Variants in PREX1 observed in about 807,000 individuals in gnomAD.
PREX1 encodes phosphatidylinositol-3,4,5-trisphosphate dependent Rac exchange factor 1.
In PREX1, 41 loss-of-function variants were observed where a neutral mutation model predicts 198.3. That is an observed-to-expected ratio of 0.21 (90% CI 0.16 to 0.27). The LOEUF (loss-of-function observed/expected upper bound fraction) is 0.27, where lower values mean the gene tolerates loss of function less well. Among genes scored for constraint, PREX1 ranks in the 10% least tolerant of loss-of-function variants. The pLI is 1.00. For missense variants in PREX1, 1,620 were observed against 2,200.7 expected, an observed-to-expected ratio of 0.74 and a Z score of 5.28; for synonymous variants, 843 against 887.2, an observed-to-expected ratio of 0.95 and a Z score of 0.89.
In PREX1 at chr20:48,666,256, G is replaced by A. The variant is rs1477207610; in HGVS notation, c.1738+27C>T. On this transcript the variant is annotated intron_variant, in intron 15 of 39. Coordinates refer to ENST00000371941, the MANE Select transcript of PREX1 (RefSeq NM_020820.4). This position sits in a 1 kb window ranked among gnomAD's most constrained non-coding sequence, Gnocchi z 4.3. ...CAGCTCCAGGGAGCAAGGTCCCGGG[G>A]GCTGGGCTGCAGGTGGGGGTGGTTA... The A allele has an allele frequency of 6.5e-7, 1 of 1,543,704 alleles. No individual in the cohort carries two copies. The highest frequency in any genetic ancestry group is 8.8e-7 in the Non-Finnish European group (1 of 1,141,738).
chr20:48,753,921 T>G (rs1264039991), intron 1 of PREX1, among the ~76,000 whole-genome samples: 2 of 152,194 alleles, frequency 1.3e-5, no homozygotes, highest in African/African-American at 4.8e-5. Flanking sequence ...CTCTTATCAA[T>G]TAAGTATGGA....
chr20:48,809,314 C>T (rs1038642191), intron 1 of PREX1, among the ~76,000 whole-genome samples: 1 of 152,216 alleles, frequency 6.6e-6, no homozygotes, highest in Non-Finnish European at 1.5e-5. Context: ...GCAAAGCCTT[C>T]CAATCTGGGA....
chr20:48,734,740 G>T, intron 3 of PREX1, 90 bp from the exon 4 acceptor site: 8 of 1,108,890 alleles, frequency 7.2e-6, no homozygotes, highest in Non-Finnish European at 1.1e-5. Flanking sequence ...GGTAGGGTAG[G>T]GGTAAGGACT....
rs1178334018 is a variant in PREX1 at position 48,651,011 on chromosome 20, G to A, written c.2700C>T (p.Asn900=). The change falls in exon 23 of 40, where the codon AAC becomes AAT. Residue 900 remains asparagine (N), a synonymous_variant. Transcript: ENST00000371941. The stretch of plus-strand genomic sequence containing the variant: ...TGCTCAGGGCCATGAGCCGCCTGCA[G>A]TTCTCCACGAAGACGCTGTCATTGG... ...FAANDSVFVE[N]CRRLMALSSA... is the part of the protein sequence containing the mutation. The A allele has an allele frequency of 1.2e-6, 2 of 1,614,208 alleles. No homozygotes were observed. Among genetic ancestry groups the A allele is most frequent in the South Asian group, 1.1e-5 (1 of 91,086 alleles).
chr20:48,689,891 G>T (rs1406546132), intron 9 of PREX1, among the ~76,000 whole-genome samples: 5 of 152,220 alleles, frequency 3.3e-5, no homozygotes, highest in Non-Finnish European at 7.3e-5. Flanking sequence ...GGCTTGTCTT[G>T]GGTGGAAGTA....
At chr20:48,674,713 G>A (rs2089697022) in intron 14 of PREX1, among the ~76,000 whole-genome samples, 1 of 152,160 alleles carries the variant, frequency 6.6e-6, no homozygotes, top group African/African-American at 2.4e-5. Context: ...ATGCCTGCTG[G>A]GGCCTTATCC....
chr20:48,837,243 C>A, the PREX1 span, among the ~76,000 whole-genome samples: 1 of 152,164 alleles, frequency 6.6e-6, no homozygotes, highest in Non-Finnish European at 1.5e-5. Context: ...TTAGTTTAAC[C>A]ACTGTGGGAA....
intron 3 of PREX1, among the ~76,000 whole-genome samples, chr20:48,737,778 C>G (rs1429264607): frequency 6.6e-6 from 1 of 152,208 alleles, no homozygotes; most frequent in Admixed American, 6.5e-5. Flanking sequence ...GTGAGGCATG[C>G]ACCCCATAAG....
upstream of PREX1, among the ~76,000 whole-genome samples, chr20:48,831,314 A>T (rs1272099982): frequency 2.0e-5 from 3 of 152,232 alleles, no homozygotes; most frequent in Admixed American, 2.0e-4. Flanking sequence ...GCCACCATCA[A>T]CTTAGAAAAG....
chr20:48,674,575 C>T (rs957050182), intron 14 of PREX1, among the ~76,000 whole-genome samples: 8 of 152,128 alleles, frequency 5.3e-5, no homozygotes, highest in African/African-American at 1.4e-4. Flanking sequence ...TTCACAGAAC[C>T]GAGGCACAGT....
At chr20:48,823,969 G>A (rs1205939382) in intron 1 of PREX1, among the ~76,000 whole-genome samples, 2 of 152,142 alleles carry the variant, frequency 1.3e-5, no homozygotes, top group African/African-American at 2.4e-5. Context: ...AAAATTAAAT[G>A]AGTTGACACA....
chr20:48,643,954 G>C (rs6019341), intron 27 of PREX1, among the ~76,000 whole-genome samples: 3 of 152,236 alleles, frequency 2.0e-5, no homozygotes, highest in Non-Finnish European at 4.4e-5. Context: ...TGGGATTACA[G>C]GCGTGAGCCA....
intron 1 of PREX1, among the ~76,000 whole-genome samples, chr20:48,754,124 T>G (rs2090146241): frequency 6.6e-6 from 1 of 152,206 alleles, no homozygotes; most frequent in Non-Finnish European, 1.5e-5. Context: ...GAAAGTAAGC[T>G]GATATCGAGC....
At chr20:48,744,317 T>C (rs6019398) in intron 3 of PREX1, among the ~76,000 whole-genome samples, 2,616 of 152,230 alleles carry the variant, frequency 0.017, 72 homozygotes, top group African/African-American at 0.053. Context: ...AGTCTGGCCA[T>C]CAACCTTAGG....
intron 1 of PREX1, among the ~76,000 whole-genome samples, chr20:48,753,755 T>G (rs2090144482): frequency 6.6e-6 from 1 of 152,150 alleles, no homozygotes; most frequent in South Asian, 2.1e-4. Flanking sequence ...GCACGTGCTG[T>G]TCTTTGCCTA....
At position 48,627,945 on chromosome 20, in the gene PREX1, G is replaced by A. The variant is rs1239544076; in HGVS notation, c.4785C>T (p.Ser1595=). 6.2e-7 allele frequency: 1 copy of A among 1,611,668 alleles called. No individual in the cohort carries two copies. The highest frequency in any genetic ancestry group is 1.1e-5 in the South Asian group (1 of 90,812). ...GTGCCAAGATGGCCGCCTGCTCCAG[G>A]GACACGCTCAGGGTGCTCCTGCAGC... ...TGMQRSTLSV[S]LEQAAILARS... is the part of the protein sequence containing the mutation. The change falls in exon 38 of 40, where the codon TCC becomes TCT. Residue 1595 remains serine (S), a synonymous_variant. Coordinates refer to ENST00000371941, the MANE Select transcript of PREX1 (RefSeq NM_020820.4).
In PREX1 at chr20:48,650,133, C is replaced by T. The variant is rs1298888089; in HGVS notation, c.2891G>A (p.Gly964Asp). The change falls in exon 24 of 40, where the codon GGC becomes GAC. Residue 964 changes from glycine (G) to aspartate (D), a missense_variant. Physicochemically the swap from Gly to Asp is moderately conservative, Grantham distance 94. Coordinates refer to ENST00000371941, the MANE Select transcript of PREX1 (RefSeq NM_020820.4). ...QAPLEPHPLCGLDFCPTNCHI... is the reference protein window; with the variant it reads ...QAPLEPHPLCDLDFCPTNCHI... ...GCAATTGGTGGGGCAGAAGTCCAGG[C>T]CACACAGCGGGTGGGGCTCCAGGGG... 6.2e-7 allele frequency: 1 copy of T among 1,614,072 alleles called. No homozygotes were observed. The highest frequency in any genetic ancestry group is 1.7e-4 in the Middle Eastern group (1 of 6,058).
chr20:48,845,743 AGCAAGT>A, the PREX1 span, among the ~76,000 whole-genome samples: 3 of 151,676 alleles, frequency 2.0e-5, no homozygotes, highest in Non-Finnish European at 4.4e-5. Flanking sequence ...CAGAGGAAAT[AGCAAGT>A]GCAAAGGCCC....
At chr20:48,763,489 T>G (rs1157113023) in intron 1 of PREX1, among the ~76,000 whole-genome samples, 1 of 152,202 alleles carries the variant, frequency 6.6e-6, no homozygotes, top group Non-Finnish European at 1.5e-5. Context: ...ATGAGTGGAA[T>G]GCGGTCTCCT....
Sources: gnomAD v4.1 joint callset for allele counts (sites outside exome capture counted in the v4.1 genomes callset) on GRCh38, gnomAD v4.1.1 for gene constraint, Gnocchi (gnomAD v3.1) non-coding constraint, MANE v1.5 for transcripts, NCBI Gene and HGNC (gene_info 2026-07-23, HGNC 2026-07-21) for gene names.